The following GALNTL6 variants were observed in gnomAD, a reference collection of about 807,000 sequenced individuals.
GALNTL6 encodes polypeptide N-acetylgalactosaminyltransferase-like 6.
GALNTL6 carries 46 observed loss-of-function variants against 73.7 expected under a neutral mutation model. The ratio of observed to expected loss-of-function variants is 0.62; its 90% CI spans 0.49 to 0.80. The LOEUF is 0.80. Among genes scored for constraint, GALNTL6 ranks in the 30% least tolerant of loss-of-function variants. The pLI is 0.00. For missense variants in GALNTL6, 604 were observed against 755.0 expected, an observed-to-expected ratio of 0.80 and a Z score of 2.34; for synonymous variants, 259 against 263.7, an observed-to-expected ratio of 0.98 and a Z score of 0.17.
chr4:172,878,128 T>C (rs994477059), intron 7 of GALNTL6, among the ~76,000 whole-genome samples: 7 of 151,932 alleles, frequency 4.6e-5, no homozygotes, highest in African/African-American at 1.7e-4. Context: ...GAAAAAACAA[T>C]GTGACACATT....
chr4:172,851,742 G>GCAAA (rs1743829032), intron 7 of GALNTL6, among the ~76,000 whole-genome samples: 1 of 152,164 alleles, frequency 6.6e-6, no homozygotes, highest in Non-Finnish European at 1.5e-5. Flanking sequence ...TTCCAAAAGG[G>GCAAA]CAAAGCATAT....
chr4:172,519,509 CT>C (rs200738778), intron 5 of GALNTL6, among the ~76,000 whole-genome samples: 3,036 of 138,896 alleles, frequency 0.022, 65 homozygotes, highest in African/African-American at 0.058. Context: ...TTCCTTCTTT[CT>C]TTTTTTTTTT....
At chr4:172,589,666 A>G (rs1241586950) in intron 5 of GALNTL6, among the ~76,000 whole-genome samples, 1 of 152,252 alleles carries the variant, frequency 6.6e-6, no homozygotes, top group Non-Finnish European at 1.5e-5. Flanking sequence ...AATTAAACAC[A>G]TGCCACTTTT....
chr4:172,891,437 C>A (rs545963180), intron 8 of GALNTL6, among the ~76,000 whole-genome samples: 2 of 152,050 alleles, frequency 1.3e-5, no homozygotes, highest in African/African-American at 4.8e-5. Context: ...ATATAAAATT[C>A]TTGGTTGGAA....
At chr4:172,752,533 CTTAA>C (rs530426852) in intron 5 of GALNTL6, among the ~76,000 whole-genome samples, 2 of 151,724 alleles carry the variant, frequency 1.3e-5, no homozygotes, top group African/African-American at 2.4e-5. Context: ...ACATAAGTTG[CTTAA>C]TTAGTTATTC....
chr4:171,910,894 A>AT (rs1275457800), intron 2 of GALNTL6, among the ~76,000 whole-genome samples: 2 of 152,136 alleles, frequency 1.3e-5, no homozygotes, highest in Admixed American at 6.5e-5. Context: ...CTATTCAATG[A>AT]TTTTTTTATG....
chr4:172,752,917 T>C (rs1282136730), intron 5 of GALNTL6, among the ~76,000 whole-genome samples: 2 of 152,216 alleles, frequency 1.3e-5, no homozygotes, highest in Non-Finnish European at 2.9e-5. Flanking sequence ...AAAACTGAGA[T>C]GATATACTCA....
At chr4:172,895,792 G>A (rs1188154956) in intron 8 of GALNTL6, among the ~76,000 whole-genome samples, 1 of 151,980 alleles carries the variant, frequency 6.6e-6, no homozygotes, top group African/African-American at 2.4e-5. Context: ...GATCCCATAA[G>A]CTTTCTTCAT....
At chr4:172,193,761 G>T (rs1023517986) in intron 2 of GALNTL6, among the ~76,000 whole-genome samples, 2 of 152,164 alleles carry the variant, frequency 1.3e-5, no homozygotes, top group African/African-American at 4.8e-5. Flanking sequence ...TACTTGGGAG[G>T]CTGAGGCAGG....
intron 8 of GALNTL6, among the ~76,000 whole-genome samples, chr4:172,893,098 C>G (rs1167115799): frequency 6.6e-6 from 1 of 152,196 alleles, no homozygotes; most frequent in African/African-American, 2.4e-5. Flanking sequence ...ACTTACCCAA[C>G]CCAGTAAGTC....
intron 7 of GALNTL6, among the ~76,000 whole-genome samples, chr4:172,833,737 G>T (rs1373045655): frequency 1.3e-5 from 2 of 152,148 alleles, no homozygotes; most frequent in African/African-American, 2.4e-5. Context: ...TGATATCTTG[G>T]AGTTACAGTG....
At chr4:172,990,663 C>T (rs1376814050) in intron 10 of GALNTL6, among the ~76,000 whole-genome samples, 1 of 151,876 alleles carries the variant, frequency 6.6e-6, no homozygotes, top group Non-Finnish European at 1.5e-5. Context: ...TATAAACTGC[C>T]GTTTGTAAAG....
chr4:172,543,783 A>G (rs1417719569), intron 5 of GALNTL6, among the ~76,000 whole-genome samples: 1 of 152,222 alleles, frequency 6.6e-6, no homozygotes, highest in Admixed American at 6.5e-5. Flanking sequence ...ATATAGGAGT[A>G]TGCTACCTCT....
chr4:172,219,289 A>G lies in GALNTL6; in HGVS notation c.139-10367A>G, dbSNP rs544476247. On this transcript the variant is annotated intron_variant, in intron 2 of 12. Coordinates refer to ENST00000506823, the MANE Select transcript of GALNTL6 (RefSeq NM_001034845.3). ...TTATTTTAAGTAATTTTTTAAAAAA[A>G]TTATTCCTTGGCATCTATGTTTCTC... Among the ~76,000 whole-genome samples, 230 of 148,880 alleles carry G rather than the reference A, an allele frequency of 1.5e-3. 1 individual carries two copies. The highest frequency in any genetic ancestry group is 4.0e-3 in the South Asian group (19 of 4,752).
chr4:172,029,391 C>G (rs1279407144), intron 2 of GALNTL6, among the ~76,000 whole-genome samples: 1 of 151,924 alleles, frequency 6.6e-6, no homozygotes. Flanking sequence ...ATTGATTTAA[C>G]CTCAAATGGC....
At chr4:172,728,906 C>T (rs1360094652) in intron 5 of GALNTL6, among the ~76,000 whole-genome samples, 2 of 152,134 alleles carry the variant, frequency 1.3e-5, no homozygotes, top group Non-Finnish European at 2.9e-5. Context: ...CTTTTTGATA[C>T]AAGCCATTTT....
intron 2 of GALNTL6, among the ~76,000 whole-genome samples, chr4:171,948,781 A>G (rs1738778464): frequency 6.6e-6 from 1 of 152,134 alleles, no homozygotes; most frequent in Non-Finnish European, 1.5e-5. Context: ...TGTTTTTGCA[A>G]TGATGAAATA....
chr4:172,868,638 A>C (rs1379249074), intron 7 of GALNTL6, among the ~76,000 whole-genome samples: 1 of 152,210 alleles, frequency 6.6e-6, no homozygotes, highest in African/African-American at 2.4e-5. Context: ...CAGGAGCACC[A>C]AGCTGGGAAT....
intron 5 of GALNTL6, among the ~76,000 whole-genome samples, chr4:172,488,197 C>G (rs1218308732): frequency 6.6e-6 from 1 of 152,126 alleles, no homozygotes; most frequent in Non-Finnish European, 1.5e-5. Context: ...TGCCTTGTTA[C>G]AGACTTAGAA....
Sources: allele counts gnomAD v4.1 joint callset (sites outside exome capture counted in the v4.1 genomes callset), GRCh38; gene constraint gnomAD v4.1.1; transcripts MANE v1.5; gene names NCBI Gene and HGNC (gene_info 2026-07-23, HGNC 2026-07-21).